The following CSMD1 variants were observed in gnomAD, a reference collection of about 807,000 sequenced individuals.
CSMD1 encodes the protein CUB and Sushi multiple domains 1, also known as CUB and sushi domain-containing protein 1.
Under a neutral mutation model 417.5 loss-of-function variants are expected in CSMD1, and 213 were observed. The observed-to-expected ratio is 0.51, with a 90% confidence interval of 0.46 to 0.57. The LOEUF is 0.57. CSMD1 is among the 20% of genes least tolerant of loss of function. CSMD1 has a pLI of 0.00. For missense variants in CSMD1, 6,923 were observed against 4,529.7 expected, an observed-to-expected ratio of 1.53 and a Z score of -15.17; for synonymous variants, 2,862 against 1,736.8, an observed-to-expected ratio of 1.65 and a Z score of -16.11.
At chr8:4,669,305 A>G (rs1017180302) in intron 1 of CSMD1, among the ~76,000 whole-genome samples, 1 of 152,178 alleles carries the variant, frequency 6.6e-6, no homozygotes, top group African/African-American at 2.4e-5. Flanking sequence ...AAATCCTTAC[A>G]AGAAGTTAGC....
chr8:3,432,001 G>A (rs961647844), intron 12 of CSMD1, among the ~76,000 whole-genome samples: 1 of 152,132 alleles, frequency 6.6e-6, no homozygotes, highest in East Asian at 1.9e-4. Context: ...TCATGTAAGA[G>A]ATCACTGTGT....
intron 5 of CSMD1, among the ~76,000 whole-genome samples, chr8:3,892,463 G>A (rs376668712): frequency 1.3e-5 from 2 of 152,022 alleles, no homozygotes; most frequent in African/African-American, 4.8e-5. Context: ...CATTCATTCA[G>A]GCCCCAACTA....
intron 4 of CSMD1, among the ~76,000 whole-genome samples, chr8:4,019,934 CT>C (rs199529672): frequency 1.4e-5 from 2 of 144,732 alleles, no homozygotes; most frequent in East Asian, 2.1e-4. Flanking sequence ...AAAAAAAACC[CT>C]TTTTTTTAAG....
chr8:4,618,989 A>C (rs1213156696), intron 2 of CSMD1, among the ~76,000 whole-genome samples: 5 of 152,296 alleles, frequency 3.3e-5, no homozygotes, highest in South Asian at 2.1e-4. Context: ...GTAATACCAG[A>C]AGGAGATTAA....
intron 2 of CSMD1, among the ~76,000 whole-genome samples, chr8:4,424,344 C>T (rs1466760129): frequency 6.6e-6 from 1 of 151,676 alleles, no homozygotes; most frequent in Non-Finnish European, 1.5e-5. Context: ...GACTCAACAA[C>T]AAAAGGCAAA....
intron 1 of CSMD1, among the ~76,000 whole-genome samples, chr8:4,949,874 T>A (rs570302862): frequency 6.6e-6 from 1 of 152,072 alleles, no homozygotes; most frequent in South Asian, 2.1e-4. Flanking sequence ...TCAAAAGTAA[T>A]TGCCTGGCAA....
At chr8:2,957,301 G>C (rs1803085350) in intron 63 of CSMD1, among the ~76,000 whole-genome samples, 1 of 152,168 alleles carries the variant, frequency 6.6e-6, no homozygotes, top group South Asian at 2.1e-4. Flanking sequence ...TATCCTAGGA[G>C]AATAATAGCA....
intron 66 of CSMD1, 56 bp downstream of exon 66, chr8:2,951,058 G>C (rs188365485): frequency 6.5e-7 from 1 of 1,547,234 alleles, no homozygotes; most frequent in East Asian, 2.3e-5. Flanking sequence ...TCTGTGAAAA[G>C]ATAACAGGTC....
intron 5 of CSMD1, among the ~76,000 whole-genome samples, chr8:3,926,108 C>CACACACAAACACCAT (rs1809695298): frequency 2.5e-5 from 2 of 79,230 alleles, no homozygotes; most frequent in South Asian, 6.7e-4. Context: ...CACACACACA[C>CACACACAAACACCAT]ACACACACAC....
At chr8:3,349,369 G>C (rs1332120549) in intron 21 of CSMD1, among the ~76,000 whole-genome samples, 1 of 152,144 alleles carries the variant, frequency 6.6e-6, no homozygotes, top group Non-Finnish European at 1.5e-5. Flanking sequence ...GAAGTTGCTA[G>C]AGATCCATGA....
intron 23 of CSMD1, among the ~76,000 whole-genome samples, chr8:3,331,027 GA>G (rs373136729): frequency 0.013 from 2,010 of 152,116 alleles, 42 homozygotes; most frequent in African/African-American, 0.046. Context: ...GAGGCGGGCG[GA>G]TCACCAGGTC....
intron 21 of CSMD1, among the ~76,000 whole-genome samples, chr8:3,353,075 A>T (rs137861692): frequency 1.3e-5 from 2 of 152,198 alleles, no homozygotes; most frequent in African/African-American, 4.8e-5. Flanking sequence ...TGCAATAATT[A>T]TACTACATTT....
At position 4,605,238 on chromosome 8, in the gene CSMD1, T is replaced by C. The variant is rs143585824; in HGVS notation, c.302+32104A>G. On this transcript the variant is annotated intron_variant, in intron 2 of 69. Coordinates refer to ENST00000635120, the MANE Select transcript of CSMD1 (RefSeq NM_033225.6). ...ACGTTAACTTTACAAATAAGGCAAATACTAACGTTAGACCGATGAAGTTTA... is the reference window on the plus strand; with the variant it reads ...ACGTTAACTTTACAAATAAGGCAAACACTAACGTTAGACCGATGAAGTTTA... Among the ~76,000 whole-genome samples the C allele has an allele frequency of 2.5e-3, 385 of 152,060 alleles. 1 individual carries two copies. In the Middle Eastern group the frequency reaches 0.051, roughly 20 times the overall value.
At position 4,446,733 on chromosome 8, in the gene CSMD1, CTGTGTGTGTGTGTGTGTGTGTCTG is replaced by C. The variant is rs1314462524; in HGVS notation, c.303-26692_303-26669del. ...ATGCCTGAGTTGTGTGTGTGTGTGT[CTGTGTGTGTGTGTGTGTGTGTCTG>C]TGTGTGTGTGTGTGTGTGTGTGTGT... On this transcript the variant is annotated intron_variant, in intron 2 of 69. Transcript: ENST00000635120. Among the ~76,000 whole-genome samples the C allele has an allele frequency of 3.3e-3, 441 of 134,088 alleles. 1 individual carries two copies. The highest frequency in any genetic ancestry group is 0.01 in the African/African-American group (370 of 35,368). The allele number at this position is 134,088 out of a possible 152,430, so 88.0% of individuals were successfully genotyped here. A position where few individuals can be genotyped will look rare whatever the true frequency, so the allele number is the denominator to read the frequency against.
Position 4,533,268 on chromosome 8 carries a change from C to G in CSMD1, c.302+104074G>C, listed in dbSNP as rs536954715. 3.3e-5 allele frequency among the ~76,000 whole-genome samples: 5 copies of G among 152,308 alleles called. No homozygotes were observed. In the East Asian group the frequency reaches 9.6e-4, roughly 29 times the overall value. On this transcript the variant is annotated intron_variant, in intron 2 of 69. Coordinates refer to ENST00000635120, the MANE Select transcript of CSMD1 (RefSeq NM_033225.6). The stretch of plus-strand genomic sequence containing the variant: ...AGCAAGACTTTGGTAGAGACGGCCG[C>G]TTGCTCCCAAATATCATGCTGAGGA...
At chr8:4,014,301 G>A (rs948503759) in intron 4 of CSMD1, among the ~76,000 whole-genome samples, 22 of 152,152 alleles carry the variant, frequency 1.4e-4, no homozygotes, top group African/African-American at 5.1e-4. Context: ...GCGTGTCGAA[G>A]TGAACATGGG....
chr8:4,070,045 T>G (rs1264825282), intron 3 of CSMD1, among the ~76,000 whole-genome samples: 1 of 152,174 alleles, frequency 6.6e-6, no homozygotes, highest in African/African-American at 2.4e-5. Flanking sequence ...TATTGGTGTT[T>G]TAACTATACT....
intron 3 of CSMD1, among the ~76,000 whole-genome samples, chr8:4,323,002 T>TATAAA (rs1287081991): frequency 6.6e-6 from 1 of 152,038 alleles, no homozygotes; most frequent in African/African-American, 2.4e-5. Flanking sequence ...TACACTAAAA[T>TATAAA]ATAAAATAAA....
intron 3 of CSMD1, among the ~76,000 whole-genome samples, chr8:4,043,976 T>G (rs990370793): frequency 6.6e-6 from 1 of 152,190 alleles, no homozygotes; most frequent in East Asian, 1.9e-4. Flanking sequence ...TTGAAATGCT[T>G]TTAAATGCAA....
Sources: allele counts gnomAD v4.1 joint callset (sites outside exome capture counted in the v4.1 genomes callset), GRCh38; gene constraint gnomAD v4.1.1; transcripts MANE v1.5; gene names NCBI Gene and HGNC (gene_info 2026-07-23, HGNC 2026-07-21).